GTF2A1: variants seen among roughly 807,000 people sequenced by gnomAD.
The protein encoded by GTF2A1 is general transcription factor IIA subunit 1, also known as transcription initiation factor IIA subunit 1.
In GTF2A1, 12 loss-of-function variants were observed where a neutral mutation model predicts 54.1. The observed-to-expected ratio is 0.22, with a 90% CI of 0.14 to 0.36. The LOEUF is 0.36. Among genes scored for constraint, GTF2A1 ranks in the 10% least tolerant of loss-of-function variants. GTF2A1 has a pLI of 1.00. For missense variants in GTF2A1, 335 were observed against 442.2 expected (o/e 0.76, Z 2.17); for synonymous variants, 145 against 152.0 (o/e 0.95, Z 0.34).
intron 2 of GTF2A1, among the ~76,000 whole-genome samples, chr14:81,211,635 C>T (rs1453496931): frequency 6.6e-6 from 1 of 151,872 alleles, no homozygotes; most frequent in African/African-American, 2.4e-5. Flanking sequence ...CAGCCCGTCA[C>T]ATCACAAGCC....
chr14:81,208,691 T>G (rs796450929), intron 2 of GTF2A1, among the ~76,000 whole-genome samples: 1 of 152,180 alleles, frequency 6.6e-6, no homozygotes, highest in Non-Finnish European at 1.5e-5. Flanking sequence ...GACTGTACCC[T>G]GCAAAGCCAC....
At chr14:81,219,176 T>C (rs960690200) in intron 1 of GTF2A1, among the ~76,000 whole-genome samples, 2 of 152,150 alleles carry the variant, frequency 1.3e-5, no homozygotes. Context: ...ATATTCCCCC[T>C]AGCAAACAAA....
intron 4 of GTF2A1, among the ~76,000 whole-genome samples, chr14:81,198,925 A>C (rs544896034): frequency 1.4e-3 from 218 of 152,302 alleles, no homozygotes; most frequent in Non-Finnish European, 2.4e-3. Context: ...AAACCTAAGT[A>C]ATTTCTACAT....
rs1397506026 is a variant in GTF2A1, at chr14:81,192,759, A to G, written c.693T>C (p.Asn231=). The change falls in exon 7 of 9, where the codon AAT becomes AAC. Residue 231 remains asparagine, a synonymous_variant. Transcript: ENST00000553612. ...CTGTCGTAGGTATAACTTGAGTCTT[A>G]TTTCCTGTAAATAAGATTTGCTGAG... ...IQPQQILFTG[N]KTQVIPTTVA... 1 of 1,613,496 alleles carries G rather than the reference A, an allele frequency of 6.2e-7. No homozygotes were observed. The highest frequency in any genetic ancestry group is 2.2e-5 in the East Asian group (1 of 44,884).
chr14:81,219,042 G>A (rs962796807), intron 1 of GTF2A1, among the ~76,000 whole-genome samples: 2 of 152,016 alleles, frequency 1.3e-5, no homozygotes, highest in Non-Finnish European at 2.9e-5. Context: ...CATGTAGAAA[G>A]CAGTTTTTTA....
chr14:81,177,894 C>T lies in GTF2A1; in HGVS notation c.*2329G>A, dbSNP rs1471343876. The T allele has an allele frequency of 6.6e-6, 1 of 152,044 alleles. No individual in the cohort carries two copies. Among genetic ancestry groups the T allele is most frequent in the African/African-American group, 2.4e-5 (1 of 41,396 alleles). The allele number at this position is 152,044 out of a possible 1,614,324, so 9.4% of individuals were successfully genotyped here. A position where few individuals can be genotyped will look rare whatever the true frequency, so the allele number is the denominator to read the frequency against. On this transcript the variant is annotated 3_prime_UTR_variant, in exon 9 of 9. Transcript: ENST00000553612. ...ACGATGCAAATAATATATAAGAGCA[C>T]AATTTGGTATGCAATGTAGCTTGGA... is the stretch of plus-strand genomic sequence containing the variant.
chr14:81,190,242 C>A (rs1892847409), intron 7 of GTF2A1, among the ~76,000 whole-genome samples: 1 of 150,022 alleles, frequency 6.7e-6, no homozygotes, highest in Non-Finnish European at 1.5e-5. Context: ...TAACAAATAT[C>A]AACAGAAGAA....
intron 8 of GTF2A1, among the ~76,000 whole-genome samples, chr14:81,182,220 A>G (rs1411752222): frequency 1.3e-5 from 2 of 152,222 alleles, no homozygotes; most frequent in Non-Finnish European, 2.9e-5. Context: ...AATAAAGGTA[A>G]AACAGCAGGT....
At chr14:81,219,645 A>G (rs1375653879) in intron 1 of GTF2A1, among the ~76,000 whole-genome samples, 3 of 152,188 alleles carry the variant, frequency 2.0e-5, no homozygotes, top group African/African-American at 7.2e-5. Context: ...TTGTCATCAT[A>G]AAAATAAGAG....
At chr14:81,184,743 G>A (rs566586787) in intron 8 of GTF2A1, among the ~76,000 whole-genome samples, 6 of 151,918 alleles carry the variant, frequency 3.9e-5, no homozygotes, top group Admixed American at 6.5e-5. Context: ...GTAAATTTCC[G>A]CACTCTATAA....
intron 2 of GTF2A1, among the ~76,000 whole-genome samples, chr14:81,212,235 G>A (rs1595229811): frequency 6.6e-6 from 1 of 152,110 alleles, no homozygotes; most frequent in Non-Finnish European, 1.5e-5. Flanking sequence ...ATCTCCCACA[G>A]TACTTGACAT....
chr14:81,219,629 G>C (rs1441407723), intron 1 of GTF2A1, among the ~76,000 whole-genome samples: 4 of 152,176 alleles, frequency 2.6e-5, no homozygotes, highest in Non-Finnish European at 4.4e-5. Context: ...CAAAAAACGT[G>C]TTTTATTGTC....
At chr14:81,208,822 C>G (rs926652775) in intron 2 of GTF2A1, among the ~76,000 whole-genome samples, 3 of 152,194 alleles carry the variant, frequency 2.0e-5, no homozygotes, top group Non-Finnish European at 1.5e-5. Flanking sequence ...CACTGGATTT[C>G]GGACTTATAT....
Position 81,180,138 on chromosome 14 carries a change from G to C in GTF2A1, c.*85C>G. ...TTCTGACATGCAGAAACGAAGTTTT[G>C]GTTGGCATATGCCCCAAGTTTCAAA... On this transcript the variant is annotated 3_prime_UTR_variant, in exon 9 of 9. Coordinates refer to ENST00000553612, the MANE Select transcript of GTF2A1 (RefSeq NM_015859.4). The C allele has an allele frequency of 1.7e-6, 1 of 598,808 alleles. No individual in the cohort carries two copies. 37.1% of individuals were successfully genotyped at this position (598,808 alleles called of 1,614,324 possible).
intron 2 of GTF2A1, among the ~76,000 whole-genome samples, chr14:81,211,658 G>A (rs1212177021): frequency 1.3e-5 from 2 of 151,886 alleles, no homozygotes; most frequent in Non-Finnish European, 2.9e-5. Context: ...GAGGTTAGGT[G>A]GCTAAACCTG....
At chr14:81,198,035 A>G (rs988282728) in intron 4 of GTF2A1, among the ~76,000 whole-genome samples, 7 of 152,254 alleles carry the variant, frequency 4.6e-5, no homozygotes, top group African/African-American at 1.7e-4. Context: ...CACTGGGAGT[A>G]CAGCTGACAA....
chr14:81,214,645 C>CAA (rs760706461), intron 2 of GTF2A1, among the ~76,000 whole-genome samples: 1 of 109,610 alleles, frequency 9.1e-6, no homozygotes, highest in African/African-American at 3.4e-5. Flanking sequence ...AACTCCGTCT[C>CAA]AAAAAAAAAA....
At chr14:81,207,996 C>T (rs775048514) in intron 2 of GTF2A1, among the ~76,000 whole-genome samples, 7 of 149,814 alleles carry the variant, frequency 4.7e-5, no homozygotes, top group South Asian at 2.1e-4. Context: ...CCTGACAATG[C>T]TGTGGAAAAG....
intron 2 of GTF2A1, among the ~76,000 whole-genome samples, chr14:81,213,582 A>C (rs1179252371): frequency 6.6e-6 from 1 of 152,206 alleles, no homozygotes; most frequent in Admixed American, 6.5e-5. Flanking sequence ...CAAAAAACTC[A>C]TTCCACGTTA....
Sources: allele counts gnomAD v4.1 joint callset (sites outside exome capture counted in the v4.1 genomes callset), GRCh38; gene constraint gnomAD v4.1.1; transcripts MANE v1.5; gene names NCBI Gene and HGNC (gene_info 2026-07-23, HGNC 2026-07-21).